Variants in SLCO1B3 observed in about 807,000 individuals in gnomAD.
SLCO1B3 encodes solute carrier organic anion transporter family member 1B3.
Under a neutral mutation model 71.8 loss-of-function variants are expected in SLCO1B3, and 72 were observed. That is an observed-to-expected ratio of 1.00 (90% confidence interval 0.83 to 1.22). SLCO1B3 has a LOEUF of 1.22. SLCO1B3 is among the 50% of genes most tolerant of loss of function. The pLI is 0.00. For synonymous variants in SLCO1B3, 298 were observed against 278.4 expected (o/e 1.07, Z -0.70); for missense variants, 911 against 819.7 (o/e 1.11, Z -1.36).
At position 20,862,392 on chromosome 12, in the gene SLCO1B3, A is replaced by T. The variant is rs771285244; in HGVS notation, c.482-20A>T. On this transcript the variant is annotated intron_variant, in intron 6 of 15. Coordinates refer to ENST00000381545, the MANE Select transcript of SLCO1B3 (RefSeq NM_019844.4). Reference sequence around the variant, plus strand: ...TGTTAAAATTAATGTTTAAAGTAAAACACTCTCTTGTCTCGATAGATTGTG... The same window carrying T: ...TGTTAAAATTAATGTTTAAAGTAAATCACTCTCTTGTCTCGATAGATTGTG... 6.3e-7 allele frequency: 1 copy of T among 1,584,006 alleles called. No homozygotes were observed. Among genetic ancestry groups the T allele is most frequent in the East Asian group, 2.3e-5 (1 of 43,962 alleles).
intron 6 of SLCO1B3, 49 bp from the exon 7 acceptor site, chr12:20,862,363 G>A: frequency 6.6e-7 from 1 of 1,525,256 alleles, no homozygotes; most frequent in Non-Finnish European, 8.8e-7. Context: ...ATTTCTAATA[G>A]GAATGTTAAA....
At chr12:20,903,567 C>T (rs1190750207) in intron 15 of SLCO1B3, among the ~76,000 whole-genome samples, 1 of 152,092 alleles carries the variant, frequency 6.6e-6, no homozygotes. Context: ...ATGTCTTCTC[C>T]TAGTGACAGG....
intron 3 of SLCO1B3, among the ~76,000 whole-genome samples, chr12:20,832,399 G>T (rs1205718217): frequency 6.6e-6 from 1 of 151,960 alleles, no homozygotes; most frequent in Non-Finnish European, 1.5e-5. Flanking sequence ...GAATCTGCCA[G>T]TGTATACTTC....
chr12:20,821,900 C>G (rs922017190), intron 3 of SLCO1B3, among the ~76,000 whole-genome samples: 1 of 152,088 alleles, frequency 6.6e-6, no homozygotes, highest in Non-Finnish European at 1.5e-5. Context: ...AAACATGTCT[C>G]CTTTGTCTCT....
intron 3 of SLCO1B3, among the ~76,000 whole-genome samples, chr12:20,832,969 A>C (rs10841662): frequency 0.45 from 68,605 of 152,076 alleles, 17,809 homozygotes; most frequent in South Asian, 0.64. Flanking sequence ...AGAGATCTAA[A>C]ATCCAGAAAT....
At chr12:20,821,824 T>C (rs371600913) in intron 3 of SLCO1B3, among the ~76,000 whole-genome samples, 2 of 152,166 alleles carry the variant, frequency 1.3e-5, no homozygotes, top group East Asian at 3.9e-4. Flanking sequence ...CCTGCAATGA[T>C]TAAACACCAA....
intron 8 of SLCO1B3, among the ~76,000 whole-genome samples, chr12:20,870,292 AC>A (rs1261498602): frequency 7.3e-5 from 11 of 151,720 alleles, no homozygotes; most frequent in African/African-American, 2.2e-4. Context: ...TTGCCTTTTC[AC>A]TCTGTTGATT....
At chr12:20,845,618 A>G (rs1418112964) in intron 3 of SLCO1B3, among the ~76,000 whole-genome samples, 1 of 75,976 alleles carries the variant, frequency 1.3e-5, no homozygotes, top group East Asian at 3.7e-4. Flanking sequence ...ATGAAAAAAA[A>G]AATTGAGATT....
chr12:20,854,832 G>C (rs1865100006), intron 3 of SLCO1B3, among the ~76,000 whole-genome samples, 196 bp from the exon 4 acceptor site: 1 of 152,200 alleles, frequency 6.6e-6, no homozygotes, highest in African/African-American at 2.4e-5. Context: ...AACCAAGTTA[G>C]AAAATCATGC....
chr12:20,901,991 A>G, intron 15 of SLCO1B3: 1 of 375,706 alleles, frequency 2.7e-6, no homozygotes, highest in South Asian at 1.9e-5. Context: ...TTATAGAAGC[A>G]TTAATTTGTA....
At position 20,879,574 on chromosome 12, in the gene SLCO1B3, A is replaced by G. The variant is rs765389916; in HGVS notation, c.1274A>G (p.Tyr425Cys). ...SMISFLFQLLYFPLICESKSV... is the reference protein window; with the variant it reads ...SMISFLFQLLCFPLICESKSV... Reference sequence around the variant, plus strand: ...ATATCCTTCTTGTTTCAACTTCTATATTTCCCTCTAATCTGCGAAAGCAAA... The same window carrying G: ...ATATCCTTCTTGTTTCAACTTCTATGTTTCCCTCTAATCTGCGAAAGCAAA... The change falls in exon 11 of 16, where the codon TAT (tyrosine) becomes TGT (cysteine). Residue 425 changes from tyrosine to cysteine, a missense_variant. Tyr to Cys is a radical substitution (Grantham distance 194, BLOSUM62 -2). Transcript: ENST00000381545. 19 of 1,613,016 alleles carry G rather than the reference A, an allele frequency of 1.2e-5. No homozygotes were observed. Among genetic ancestry groups the G allele is most frequent in the East Asian group, 6.7e-5 (3 of 44,802 alleles).
intron 8 of SLCO1B3, among the ~76,000 whole-genome samples, chr12:20,874,559 T>C (rs1865541066): frequency 1.3e-5 from 2 of 152,220 alleles, no homozygotes; most frequent in African/African-American, 2.4e-5. Context: ...CCTACTAAAA[T>C]AACTCATTGA....
At chr12:20,833,583 C>T (rs914533821) in intron 3 of SLCO1B3, among the ~76,000 whole-genome samples, 17 of 147,464 alleles carry the variant, frequency 1.2e-4, no homozygotes, top group Non-Finnish European at 2.1e-4. Context: ...TGAATATATA[C>T]ATATATTGCA....
Position 20,875,468 on chromosome 12 carries a change from A to G in SLCO1B3, c.961A>G (p.Asn321Asp). ...LTNQGKNVTK[N>D]VTGFFQSLKS... The stretch of plus-strand genomic sequence containing the variant: ...CAACCAAGGAAAAAATGTTACCAAA[A>G]ATGTGACTGGTAGGTATTTGACATT... Residue 321 changes from asparagine (N) to aspartate (D), a missense_variant, in exon 9 of 16, where the codon AAT becomes GAT. Physicochemically the swap from Asn to Asp is conservative, Grantham distance 23. Coordinates refer to ENST00000381545, the MANE Select transcript of SLCO1B3 (RefSeq NM_019844.4). 6.2e-7 allele frequency: 1 copy of G among 1,602,180 alleles called. No individual in the cohort carries two copies. Among genetic ancestry groups the G allele is most frequent in the Non-Finnish European group, 8.5e-7 (1 of 1,177,532 alleles).
At chr12:20,890,653 TG>T (rs1865886157) in intron 13 of SLCO1B3, among the ~76,000 whole-genome samples, 1 of 152,218 alleles carries the variant, frequency 6.6e-6, no homozygotes, top group African/African-American at 2.4e-5. Context: ...CTATCTATTT[TG>T]TTTTCCTTAG....
rs140939730 is a variant in SLCO1B3, at chr12:20,837,445, G to C, written c.85-17583G>C. Among the ~76,000 whole-genome samples the C allele has an allele frequency of 3.7e-4, 56 of 151,960 alleles. 1 individual carries two copies. Among genetic ancestry groups the C allele is most frequent in the African/African-American group, 1.3e-3 (55 of 41,472 alleles). ...AAATGTTTCCTCTTTTCTCATATAT[G>C]TATTCAGTGTAATAAATTTTCCTCT... On this transcript the variant is annotated intron_variant, in intron 3 of 15. Transcript: ENST00000381545.
intron 1 of SLCO1B3, 40 bp from the exon 2 acceptor site, chr12:20,813,484 T>C (rs1864140980): frequency 6.6e-6 from 1 of 152,184 alleles, no homozygotes; most frequent in Admixed American, 6.5e-5. Flanking sequence ...TCCCATACTA[T>C]AAACTTCACA....
Position 20,862,846 on chromosome 12 carries a change from T to G in SLCO1B3, c.719T>G (p.Val240Gly), listed in dbSNP as rs771528335. 6.4e-7 allele frequency: 1 copy of G among 1,560,466 alleles called. No homozygotes were observed. The highest frequency in any genetic ancestry group is 1.1e-5 in the South Asian group (1 of 89,560). ...AAAATGTACGTGGATATTGGATATGTAGATCTGAGTAAGTACAATTAGAAC... is the reference window on the plus strand; with the variant it reads ...AAAATGTACGTGGATATTGGATATGGAGATCTGAGTAAGTACAATTAGAAC... The part of the protein sequence containing the change: ...FAKMYVDIGY[V>G]DLSTIRITPK... The change falls in exon 8 of 16, where the codon GTA becomes GGA. Residue 240 changes from valine to glycine, a missense_variant. Transcript: ENST00000381545.
At position 20,892,914 on chromosome 12, in the gene SLCO1B3, G is replaced by T. The variant is rs180932217; in HGVS notation, c.1683-5522G>T. Among the ~76,000 whole-genome samples, 166 of 152,308 alleles carry T rather than the reference G, an allele frequency of 1.1e-3. 1 individual carries two copies. The highest frequency in any genetic ancestry group is 5.8e-4 in the East Asian group (3 of 5,188). The stretch of plus-strand genomic sequence containing the variant: ...TTTGTATATAGGTTCAGAGAAGGCA[G>T]AGGATTAGATGAAAGCATTTTTGCT... On this transcript the variant is annotated intron_variant, in intron 13 of 15. Coordinates refer to ENST00000381545, the MANE Select transcript of SLCO1B3 (RefSeq NM_019844.4).
Sources: gnomAD v4.1 joint callset for allele counts (sites outside exome capture counted in the v4.1 genomes callset) on GRCh38, gnomAD v4.1.1 for gene constraint, MANE v1.5 for transcripts, NCBI Gene and HGNC (gene_info 2026-07-23, HGNC 2026-07-21) for gene names.